The following LRFN5 variants were observed in gnomAD, a reference collection of about 807,000 sequenced individuals.
The protein encoded by LRFN5 is leucine rich repeat and fibronectin type III domain containing 5, also known as leucine-rich repeat and fibronectin type-III domain-containing protein 5.
A neutral mutation model predicts 45.6 loss-of-function variants in LRFN5; 24 were observed. That is an observed-to-expected ratio of 0.53 (90% CI 0.38 to 0.74). The LOEUF is 0.74. Ranked by LOEUF, LRFN5 falls within the 30% of genes least tolerant of loss-of-function variation. LRFN5 has a pLI of 0.00. For missense variants in LRFN5, 776 were observed against 861.5 expected (o/e 0.90, Z 1.24); for synonymous variants, 340 against 313.8 (o/e 1.08, Z -0.88).
At position 41,888,059 on chromosome 14, in the gene LRFN5, G is replaced by C. The variant is rs371275501; in HGVS notation, c.1385+49G>C. 306 of 1,428,710 alleles carry C rather than the reference G, an allele frequency of 2.1e-4. No individual in the cohort carries two copies. The African/African-American group carries it at 3.2e-3, about 15-fold the overall frequency. The allele number at this position is 1,428,710 out of a possible 1,614,324, so 88.5% of individuals were successfully genotyped here. A position where few individuals can be genotyped will look rare whatever the true frequency, so the allele number is the denominator to read the frequency against. On this transcript the variant is annotated intron_variant, in intron 3 of 5. Transcript: ENST00000298119. Reference sequence around the variant, plus strand: ...TATACTTACCATGCATCTTAGTGTAGAATTTGTTAATGTACTACTGATTTT... The same window carrying C: ...TATACTTACCATGCATCTTAGTGTACAATTTGTTAATGTACTACTGATTTT...
intron 1 of LRFN5, among the ~76,000 whole-genome samples, chr14:41,733,098 A>G (rs1019201861): frequency 1.3e-5 from 2 of 150,962 alleles, no homozygotes; most frequent in Admixed American, 1.3e-4. Context: ...TATGTCATCA[A>G]GGAGACCAAC....
intron 1 of LRFN5, among the ~76,000 whole-genome samples, chr14:41,675,195 C>T (rs1402585891): frequency 8.5e-5 from 12 of 141,082 alleles, no homozygotes; most frequent in Admixed American, 1.4e-4. Flanking sequence ...ACTTCCCAGA[C>T]GGGGTGGCGG....
intron 1 of LRFN5, among the ~76,000 whole-genome samples, chr14:41,706,040 A>G (rs184149835): frequency 2.0e-5 from 3 of 152,212 alleles, no homozygotes; most frequent in Admixed American, 6.5e-5. Context: ...CATTGATATC[A>G]CTTATGCTGT....
At chr14:41,833,878 C>T (rs1043220658) in intron 2 of LRFN5, among the ~76,000 whole-genome samples, 3 of 152,150 alleles carry the variant, frequency 2.0e-5, no homozygotes, top group African/African-American at 7.2e-5. Flanking sequence ...TCTGAGAACA[C>T]TTAACAGGGT....
intron 1 of LRFN5, among the ~76,000 whole-genome samples, chr14:41,724,286 G>A (rs115300741): frequency 0.011 from 1,600 of 151,762 alleles, 25 homozygotes; most frequent in African/African-American, 0.036. Flanking sequence ...TCCATCTTGG[G>A]AAAAAAAACT....
chr14:41,856,510 T>G (rs1449941871), intron 2 of LRFN5, among the ~76,000 whole-genome samples: 1 of 151,820 alleles, frequency 6.6e-6, no homozygotes, highest in Non-Finnish European at 1.5e-5. Context: ...AGAAAAAACT[T>G]ATGGGGTGTG....
chr14:41,632,271 A>G (rs1459433268), intron 1 of LRFN5, among the ~76,000 whole-genome samples: 2 of 152,144 alleles, frequency 1.3e-5, no homozygotes, highest in Non-Finnish European at 2.9e-5. Flanking sequence ...TGTTACTTCC[A>G]TCATCCATAT....
chr14:41,608,898 A>T (rs1351950949), intron 1 of LRFN5, among the ~76,000 whole-genome samples: 1 of 152,184 alleles, frequency 6.6e-6, no homozygotes, highest in Non-Finnish European at 1.5e-5. Context: ...GCCACGGACC[A>T]TTTGGTACCC....
At chr14:41,831,514 G>A (rs1888480372) in intron 2 of LRFN5, among the ~76,000 whole-genome samples, 1 of 152,064 alleles carries the variant, frequency 6.6e-6, no homozygotes, top group African/African-American at 2.4e-5. Context: ...TTACATAGAT[G>A]TATGTGTGTG....
At chr14:41,798,199 T>C (rs1311431219) in intron 2 of LRFN5, among the ~76,000 whole-genome samples, 6 of 151,936 alleles carry the variant, frequency 3.9e-5, no homozygotes, top group African/African-American at 1.4e-4. Flanking sequence ...ATCATTTTAT[T>C]GTAGCCATCT....
chr14:41,812,754 A>G (rs1887778565), intron 2 of LRFN5, among the ~76,000 whole-genome samples: 1 of 152,156 alleles, frequency 6.6e-6, no homozygotes, highest in African/African-American at 2.4e-5. Flanking sequence ...AATAAAATTG[A>G]TGATGAAACA....
intron 2 of LRFN5, among the ~76,000 whole-genome samples, chr14:41,874,442 G>C (rs1218441008): frequency 6.6e-6 from 1 of 152,054 alleles, no homozygotes; most frequent in Non-Finnish European, 1.5e-5. Context: ...GGAGCAACAG[G>C]GCAATATCAC....
chr14:41,702,988 G>A (rs761516051), intron 1 of LRFN5, among the ~76,000 whole-genome samples: 1 of 151,840 alleles, frequency 6.6e-6, no homozygotes, highest in Admixed American at 6.6e-5. Context: ...TTTCAAATTC[G>A]AATGTGTGAC....
chr14:41,805,734 A>G (rs1887504171), intron 2 of LRFN5, among the ~76,000 whole-genome samples: 2 of 152,120 alleles, frequency 1.3e-5, no homozygotes, highest in South Asian at 4.1e-4. Context: ...CAAAAAACCA[A>G]ACACCGTATA....
At chr14:41,856,233 G>A (rs1488832106) in intron 2 of LRFN5, among the ~76,000 whole-genome samples, 1 of 152,128 alleles carries the variant, frequency 6.6e-6, no homozygotes, top group East Asian at 1.9e-4. Context: ...TAAACAAAGG[G>A]AATCATCTTC....
intron 3 of LRFN5, among the ~76,000 whole-genome samples, chr14:41,890,327 A>G (rs1890732442): frequency 6.6e-6 from 1 of 152,204 alleles, no homozygotes; most frequent in Non-Finnish European, 1.5e-5. Context: ...TATTACTTGT[A>G]TATTTTCATT....
chr14:41,657,313 A>G (rs1880425901), intron 1 of LRFN5, among the ~76,000 whole-genome samples: 1 of 152,004 alleles, frequency 6.6e-6, no homozygotes, highest in African/African-American at 2.4e-5. Context: ...TGGATACAGG[A>G]TAATTTTAAC....
At chr14:41,870,988 T>C (rs762758064) in intron 2 of LRFN5, among the ~76,000 whole-genome samples, 3 of 152,120 alleles carry the variant, frequency 2.0e-5, no homozygotes, top group Non-Finnish European at 4.4e-5. Context: ...TATCAGTACA[T>C]ATTAGGTTGC....
intron 1 of LRFN5, among the ~76,000 whole-genome samples, chr14:41,617,303 C>T (rs1887961177): frequency 1.3e-5 from 2 of 152,000 alleles, no homozygotes; most frequent in African/African-American, 4.8e-5. Context: ...TCATGATTGT[C>T]TCTGTTTTTT....
Sources: allele counts gnomAD v4.1 joint callset (sites outside exome capture counted in the v4.1 genomes callset), GRCh38; gene constraint gnomAD v4.1.1; transcripts MANE v1.5; gene names NCBI Gene and HGNC (gene_info 2026-07-23, HGNC 2026-07-21).